ABI1: variants seen among roughly 807,000 people sequenced by gnomAD.
ABI1 encodes the protein Abelson interactor 1.
ABI1 carries 14 observed loss-of-function variants against 54.6 expected under a neutral mutation model. That is an observed-to-expected ratio of 0.26 (90% CI 0.17 to 0.40). ABI1 has a LOEUF of 0.40. ABI1 is among the 10% of genes least tolerant of loss of function. The pLI is 1.00. For missense variants in ABI1, 443 were observed against 598.3 expected (o/e 0.74, Z 2.71); for synonymous variants, 194 against 209.3 (o/e 0.93, Z 0.63).
At chr10:26,764,836 T>G (rs1356141838) in intron 7 of ABI1, among the ~76,000 whole-genome samples, 3 of 152,228 alleles carry the variant, frequency 2.0e-5, no homozygotes, top group African/African-American at 7.2e-5. Flanking sequence ...AGAGGATGTG[T>G]GTAGGTTATA....
At chr10:26,758,488 G>A (rs951065604) in intron 8 of ABI1, among the ~76,000 whole-genome samples, 8 of 152,120 alleles carry the variant, frequency 5.3e-5, no homozygotes, top group Non-Finnish European at 1.2e-4. Flanking sequence ...AATTAGTGTT[G>A]AGATGTGCAA....
chr10:26,763,609 GA>G (rs3214920), intron 7 of ABI1, among the ~76,000 whole-genome samples: 21,168 of 152,080 alleles, frequency 0.14, 1,925 homozygotes, highest in Admixed American at 0.2. Context: ...GATTAGACTA[GA>G]AAAATCTAAA....
intron 2 of ABI1, among the ~76,000 whole-genome samples, chr10:26,788,573 C>T (rs191651258): frequency 6.6e-6 from 1 of 152,202 alleles, no homozygotes; most frequent in Non-Finnish European, 1.5e-5. Flanking sequence ...ACTGGCAATA[C>T]AATTTTTAAG....
At chr10:26,769,398 G>A (rs1840370696) in intron 5 of ABI1, among the ~76,000 whole-genome samples, 1 of 151,848 alleles carries the variant, frequency 6.6e-6, no homozygotes, top group Non-Finnish European at 1.5e-5. Context: ...ATCTCAATAT[G>A]GCAATAAATG....
rs1843153737 is a variant in ABI1, at chr10:26,789,534, G to GA, written c.286-12294dup. The stretch of plus-strand genomic sequence containing the variant: ...ACTGTTTAATCCCCTTTTCAGTTTT[G>GA]AAATTACGCAGTGGTTCACAAAATT... On this transcript the variant is annotated intron_variant, in intron 2 of 10. Coordinates refer to ENST00000376140, the MANE Select transcript of ABI1 (RefSeq NM_001012750.3). Among the ~76,000 whole-genome samples, 3 of 152,076 alleles carry GA rather than the reference G, an allele frequency of 2.0e-5. No individual in the cohort carries two copies. In the South Asian group the frequency reaches 6.2e-4, roughly 31 times the overall value.
chr10:26,761,756 G>T (rs1182033689), intron 7 of ABI1, among the ~76,000 whole-genome samples: 2 of 148,160 alleles, frequency 1.3e-5, no homozygotes, highest in African/African-American at 5.0e-5. Context: ...ACATATTGTT[G>T]AATTGCTCTT....
intron 7 of ABI1, chr10:26,763,818 G>C: frequency 7.0e-7 from 1 of 1,421,208 alleles, no homozygotes; most frequent in South Asian, 1.2e-5. Flanking sequence ...TACTAGCACA[G>C]AGGAGTTTAT....
In ABI1 at chr10:26,787,807, G is replaced by A. The variant is rs563806964; in HGVS notation, c.286-10566C>T. On this transcript the variant is annotated intron_variant, in intron 2 of 10. Transcript: ENST00000376140. Reference sequence around the variant, plus strand: ...AGTCAAAATCAGAGTAACCCCAGTTGAGAAGAACTAGATGGCCCAGGAGAG... The same window carrying A: ...AGTCAAAATCAGAGTAACCCCAGTTAAGAAGAACTAGATGGCCCAGGAGAG... Among the ~76,000 whole-genome samples, 17 of 151,006 alleles carry A rather than the reference G, an allele frequency of 1.1e-4. No individual in the cohort carries two copies. The South Asian group carries it at 3.3e-3, about 30-fold the overall frequency.
intron 1 of ABI1, among the ~76,000 whole-genome samples, chr10:26,853,819 G>A (rs1301507935): frequency 6.6e-6 from 1 of 152,082 alleles, no homozygotes; most frequent in African/African-American, 2.4e-5. Flanking sequence ...TGGGATTACA[G>A]GTGTGAGCCA....
intron 1 of ABI1, among the ~76,000 whole-genome samples, chr10:26,857,748 C>G (rs535243590): frequency 1.3e-5 from 2 of 149,590 alleles, no homozygotes; most frequent in South Asian, 4.2e-4. Flanking sequence ...ACATGGGAGG[C>G]TGAGGTGGGA....
At chr10:26,792,015 T>C (rs1401495865) in intron 2 of ABI1, among the ~76,000 whole-genome samples, 1 of 152,174 alleles carries the variant, frequency 6.6e-6, no homozygotes, top group Non-Finnish European at 1.5e-5. Context: ...CTAGACTACA[T>C]ACAGGATGAA....
intron 3 of ABI1, 112 bp from the exon 4 acceptor site, chr10:26,771,201 T>C (rs1840649139): frequency 1.1e-5 from 13 of 1,162,748 alleles, no homozygotes; most frequent in Non-Finnish European, 1.4e-5. Flanking sequence ...AATAAGCTTT[T>C]TTCCAGCCAT....
At chr10:26,819,218 C>CA (rs869150384) in intron 2 of ABI1, among the ~76,000 whole-genome samples, 3 of 151,662 alleles carry the variant, frequency 2.0e-5, no homozygotes, top group Non-Finnish European at 2.9e-5. Flanking sequence ...GCACCCCCCC[C>CA]AAAAAAAATT....
At chr10:26,833,072 T>G (rs963134064) in intron 1 of ABI1, among the ~76,000 whole-genome samples, 21 of 152,208 alleles carry the variant, frequency 1.4e-4, no homozygotes, top group African/African-American at 5.1e-4. Flanking sequence ...CATTATAAGC[T>G]TTAACACAGC....
intron 2 of ABI1, among the ~76,000 whole-genome samples, chr10:26,792,464 G>C (rs1051339081): frequency 6.6e-6 from 1 of 152,096 alleles, no homozygotes; most frequent in Non-Finnish European, 1.5e-5. Flanking sequence ...CCAGGGAAAA[G>C]AGGCATGAAA....
Position 26,748,460 on chromosome 10 carries a change from G to T in ABI1, c.*110C>A. The stretch of plus-strand genomic sequence containing the variant: ...ATTCAATTTACCAATAAAACAGCAT[G>T]TTCTGAAAATATGGGCACATTTTAA... On this transcript the variant is annotated 3_prime_UTR_variant, in exon 11 of 11. Transcript: ENST00000376140. 1 of 810,048 alleles carries T rather than the reference G, an allele frequency of 1.2e-6. No homozygotes were observed. The highest frequency in any genetic ancestry group is 1.8e-6 in the Non-Finnish European group (1 of 547,436). The allele number at this position is 810,048 out of a possible 1,614,324, so 50.2% of individuals were successfully genotyped here.
intron 1 of ABI1, among the ~76,000 whole-genome samples, chr10:26,840,791 A>T (rs2049440220): frequency 6.6e-6 from 1 of 152,192 alleles, no homozygotes; most frequent in African/African-American, 2.4e-5. Context: ...ATCACATCAG[A>T]TCCCAGGCAA....
At chr10:26,808,974 T>TA (rs1356296377) in intron 2 of ABI1, among the ~76,000 whole-genome samples, 2 of 149,712 alleles carry the variant, frequency 1.3e-5, no homozygotes, top group Admixed American at 6.7e-5. Context: ...TAAGGACATT[T>TA]AAAAAAAACA....
At chr10:26,761,884 A>G (rs1253910001) in intron 7 of ABI1, among the ~76,000 whole-genome samples, 1 of 151,826 alleles carries the variant, frequency 6.6e-6, no homozygotes, top group Non-Finnish European at 1.5e-5. Flanking sequence ...TTCTACTACT[A>G]TTAGACATTT....
Sources: gnomAD v4.1 joint callset for allele counts (sites outside exome capture counted in the v4.1 genomes callset) on GRCh38, gnomAD v4.1.1 for gene constraint, MANE v1.5 for transcripts, NCBI Gene and HGNC (gene_info 2026-07-23, HGNC 2026-07-21) for gene names.